ZNF816: variants seen among roughly 807,000 people sequenced by gnomAD.
ZNF816 encodes the protein zinc finger protein 816.
In ZNF816, 11 loss-of-function variants were observed where a neutral mutation model predicts 8.3. That is an observed-to-expected ratio of 1.32 (90% CI 0.83 to 2.19). The LOEUF is 2.19. Among genes scored for constraint, ZNF816 ranks in the 30% most tolerant of loss-of-function variants. The pLI is 0.00. For synonymous variants in ZNF816, 255 were observed against 254.5 expected, an observed-to-expected ratio of 1.00 and a Z score of -0.02; for missense variants, 710 against 779.3, an observed-to-expected ratio of 0.91 and a Z score of 1.06.
At chr19:52,958,157 C>T (rs1475522970) in intron 1 of ZNF816, among the ~76,000 whole-genome samples, 12 of 152,164 alleles carry the variant, frequency 7.9e-5, no homozygotes, top group Non-Finnish European at 1.6e-4. Context: ...AGTCCCTTGT[C>T]AGTCTCCCTG....
chr19:52,956,768 C>T (rs1214520957), intron 1 of ZNF816, among the ~76,000 whole-genome samples: 1 of 152,174 alleles, frequency 6.6e-6, no homozygotes, highest in Non-Finnish European at 1.5e-5. Flanking sequence ...CCTCCCTCCC[C>T]CTTGCCTAGT....
intron 2 of ZNF816, chr19:52,953,221 G>A (rs1463941377): frequency 7.2e-5 from 15 of 208,680 alleles, no homozygotes; most frequent in African/African-American, 3.7e-4. Flanking sequence ...GTGTAACCCC[G>A]TCTCTACTAA....
rs996402096 is a variant in ZNF816 at position 52,952,523 on chromosome 19, T to C, written c.190+228A>G. On this transcript the variant is annotated intron_variant, in intron 3 of 3. Transcript: ENST00000444460. The stretch of plus-strand genomic sequence containing the variant: ...CTTCCTAGAGCAGGATGATGTTCAA[T>C]TGTATTAGTCAAAGTGTTCGTGAAT... 26 of 704,468 alleles carry C rather than the reference T, an allele frequency of 3.7e-5. No homozygotes were observed. In the Admixed American group the frequency reaches 3.9e-4, roughly 11 times the overall value. 43.6% of individuals were successfully genotyped at this position (704,468 alleles called of 1,614,324 possible).
chr19:52,953,280 C>T, intron 2 of ZNF816: 1 of 298,844 alleles, frequency 3.3e-6, no homozygotes, highest in Non-Finnish European at 6.7e-6. Flanking sequence ...CTAGTCCCAG[C>T]TACCTGGGAG....
intron 2 of ZNF816, among the ~76,000 whole-genome samples, chr19:52,954,268 T>G (rs888364729): frequency 6.6e-6 from 1 of 151,872 alleles, no homozygotes; most frequent in Non-Finnish European, 1.5e-5. Flanking sequence ...ATGCCTATAT[T>G]CCCAGCTACT....
In ZNF816 at chr19:52,957,014, A is replaced by G. The variant is rs146806388; in HGVS notation, c.-15-910T>C. 1.1e-3 allele frequency among the ~76,000 whole-genome samples: 172 copies of G among 152,240 alleles called. No homozygotes were observed. The highest frequency in any genetic ancestry group is 6.8e-3 in the Middle Eastern group (2 of 294). ...CGTAGTGTCAAGTCACATTCCCCAC[A>G]CTTGCTTGATCTATCATGACCCTTT... is the stretch of plus-strand genomic sequence containing the variant. On this transcript the variant is annotated intron_variant, in intron 1 of 3. Coordinates refer to ENST00000444460, the MANE Select transcript of ZNF816 (RefSeq NM_001202457.3). The surrounding 1 kb of genome is among the most constrained non-coding windows in gnomAD (Gnocchi z 4.6).
chr19:52,954,813 C>CA (rs543817856), intron 2 of ZNF816, among the ~76,000 whole-genome samples: 36,522 of 91,896 alleles, frequency 0.4, 6,253 homozygotes, highest in African/African-American at 0.5. Flanking sequence ...AAAAAACATG[C>CA]AAAAAAAAAA....
intron 2 of ZNF816, chr19:52,953,278 A>G: frequency 3.3e-6 from 1 of 300,058 alleles, no homozygotes; most frequent in Non-Finnish European, 6.7e-6. Context: ...CTCTAGTCCC[A>G]GCTACCTGGG....
In ZNF816 at chr19:52,949,420, A is replaced by G; in HGVS notation, c.*399T>C. 3.3e-6 allele frequency: 1 copy of G among 299,296 alleles called. No homozygotes were observed. Among genetic ancestry groups the G allele is most frequent in the Non-Finnish European group, 6.6e-6 (1 of 150,466 alleles). 18.5% of individuals were successfully genotyped at this position (299,296 alleles called of 1,614,324 possible). On this transcript the variant is annotated 3_prime_UTR_variant, in exon 4 of 4. Coordinates refer to ENST00000444460, the MANE Select transcript of ZNF816 (RefSeq NM_001202457.3). ...TTTTATATTCATTTTATTTGGAACA[A>G]TTATCTCAAAAATGAATTTTCTGAT...
intron 3 of ZNF816, 155 bp from the exon 4 acceptor site, chr19:52,951,739 C>T: frequency 1.3e-6 from 1 of 755,044 alleles, no homozygotes; most frequent in Non-Finnish European, 2.0e-6. Flanking sequence ...CTCTACTGAA[C>T]ATACAAAAAT....
At chr19:52,953,504 A>AT (rs1482796585) in intron 2 of ZNF816, 10 of 95,544 alleles carry the variant, frequency 1.0e-4, no homozygotes, top group African/African-American at 7.5e-4. Flanking sequence ...TTTAATATTT[A>AT]ATTATATATA....
At chr19:52,951,731 C>G in intron 3 of ZNF816, 147 bp from the exon 4 acceptor site, 1 of 781,122 alleles carries the variant, frequency 1.3e-6, no homozygotes, top group Non-Finnish European at 1.9e-6. Context: ...CACACTGTCT[C>G]TACTGAACAT....
In ZNF816 at chr19:52,952,765, T is replaced by C; in HGVS notation, c.176A>G (p.Asn59Ser). 6.2e-7 allele frequency: 1 copy of C among 1,613,788 alleles called. No homozygotes were observed. Among genetic ancestry groups the C allele is most frequent in the Non-Finnish European group, 8.5e-7 (1 of 1,179,964 alleles). The change falls in exon 3 of 4, where the codon AAC becomes AGC. Residue 59 changes from asparagine (N) to serine (S), a missense_variant. Physicochemically the swap from Asn to Ser is conservative, Grantham distance 46 (BLOSUM62 1). Coordinates refer to ENST00000444460, the MANE Select transcript of ZNF816 (RefSeq NM_001202457.3). ...YRAVMLENYR[N>S]LEFVDSSLKS... is the part of the protein sequence containing the mutation. ...ATTTTCCTCACCCACAAACTCCAGG[T>C]TCCTGTAGTTCTCCAACATCACAGC... is the stretch of plus-strand genomic sequence containing the variant.
intron 1 of ZNF816, among the ~76,000 whole-genome samples, chr19:52,958,191 CCA>C (rs1159586104): frequency 6.6e-6 from 1 of 152,154 alleles, no homozygotes; most frequent in East Asian, 1.9e-4. Context: ...CTGCCTGTTC[CCA>C]CGCCAGGGAC....
At chr19:52,961,613 G>C (rs1166564886) in intron 1 of ZNF816, among the ~76,000 whole-genome samples, 1 of 152,188 alleles carries the variant, frequency 6.6e-6, no homozygotes, top group Non-Finnish European at 1.5e-5. Flanking sequence ...AATCCTGACG[G>C]TCAATAGGAC....
At chr19:52,952,027 G>A (rs2083464763) in intron 3 of ZNF816, 2 of 396,616 alleles carry the variant, frequency 5.0e-6, no homozygotes, top group African/African-American at 2.1e-5. Context: ...TTTATGTGAT[G>A]AACACTGTCA....
Position 52,950,887 on chromosome 19 carries a change from CTGAG to C in ZNF816, c.884_887del (p.Thr295ArgfsTer62), listed in dbSNP as rs1416780109. 1 of 1,614,144 alleles carries C rather than the reference CTGAG, an allele frequency of 6.2e-7. No homozygotes were observed. The highest frequency in any genetic ancestry group is 1.7e-5 in the Admixed American group (1 of 60,020). Reference sequence around the variant, plus strand: ...TACGATGGCATACAAGGGATGACATCTGAGTGAAGGTCTTCCCACACTCATTACA... The same window carrying C: ...TACGATGGCATACAAGGGATGACATCTGAAGGTCTTCCCACACTCATTACA... On this transcript the variant is annotated frameshift_variant, in exon 4 of 4. Coordinates refer to ENST00000444460, the MANE Select transcript of ZNF816 (RefSeq NM_001202457.3). LOFTEE classifies it low-confidence loss of function (END_TRUNC).
rs1241203523 is a variant in ZNF816, at chr19:52,957,582, A to G, written c.-15-1478T>C. Among the ~76,000 whole-genome samples the G allele has an allele frequency of 1.3e-5, 2 of 152,192 alleles. No homozygotes were observed. Among genetic ancestry groups the G allele is most frequent in the African/African-American group, 4.8e-5 (2 of 41,452 alleles). ...CCAAGGAGCCCATGGTCAAGATGAC[A>G]GTTAGGGGCAAAGACATTGATTTTC... On this transcript the variant is annotated intron_variant, in intron 1 of 3. Transcript: ENST00000444460. The surrounding 1 kb of genome is among the most constrained non-coding windows in gnomAD (Gnocchi z 4.6).
intron 2 of ZNF816, chr19:52,953,263 C>G: frequency 7.2e-6 from 2 of 277,732 alleles, no homozygotes; most frequent in South Asian, 2.9e-5. Flanking sequence ...TGTGGTGGCA[C>G]ACGCCTCTAG....
Sources: allele counts gnomAD v4.1 joint callset (sites outside exome capture counted in the v4.1 genomes callset), GRCh38; gene constraint gnomAD v4.1.1; non-coding constraint Gnocchi (gnomAD v3.1); transcripts MANE v1.5; gene names NCBI Gene and HGNC (gene_info 2026-07-23, HGNC 2026-07-21).